KIRREL1: variants seen among roughly 807,000 people sequenced by gnomAD.
The protein encoded by KIRREL1 is kin of IRRE-like protein 1.
A neutral mutation model predicts 83.3 loss-of-function variants in KIRREL1; 25 were observed. The observed-to-expected ratio is 0.30, with a 90% confidence interval of 0.22 to 0.42. The LOEUF is 0.42. Ranked by LOEUF, KIRREL1 falls within the 10% of genes least tolerant of loss-of-function variation. KIRREL1 has a pLI of 1.00. For synonymous variants in KIRREL1, 388 were observed against 410.4 expected, an observed-to-expected ratio of 0.95 and a Z score of 0.66; for missense variants, 812 against 1,032.3, an observed-to-expected ratio of 0.79 and a Z score of 2.92.
chr1:158,073,952 G>A (rs1264636154), intron 1 of KIRREL1, among the ~76,000 whole-genome samples: 2 of 152,204 alleles, frequency 1.3e-5, no homozygotes, highest in Non-Finnish European at 2.9e-5. Context: ...TCACCAGCAA[G>A]CCCACTCTTA....
chr1:158,010,189 G>A (rs912831005), intron 1 of KIRREL1, among the ~76,000 whole-genome samples: 1 of 152,014 alleles, frequency 6.6e-6, no homozygotes, highest in South Asian at 2.1e-4. Context: ...CAAGGCCAGA[G>A]GTACTGATTT....
chr1:157,993,837 G>A, intron 1 of KIRREL1, 109 bp downstream of exon 1: 2 of 628,638 alleles, frequency 3.2e-6, no homozygotes. Context: ...GCCAGTCCCC[G>A]GGTCCGGACG....
chr1:158,036,027 A>G (rs957840473), intron 1 of KIRREL1, among the ~76,000 whole-genome samples: 1 of 152,178 alleles, frequency 6.6e-6, no homozygotes, highest in Non-Finnish European at 1.5e-5. Context: ...AAATGCAGAG[A>G]ACCAGAGTGT....
chr1:158,072,453 C>G (rs78046170), intron 1 of KIRREL1, among the ~76,000 whole-genome samples: 1,541 of 152,270 alleles, frequency 0.01, 27 homozygotes, highest in African/African-American at 0.034. Context: ...CCTGGGGTAA[C>G]AGCAGGGATG....
chr1:158,089,134 T>A (rs541257860), intron 8 of KIRREL1, among the ~76,000 whole-genome samples: 3 of 152,236 alleles, frequency 2.0e-5, no homozygotes, highest in African/African-American at 7.2e-5. Context: ...GAGACCCCCA[T>A]TAGACCATTT....
intron 1 of KIRREL1, among the ~76,000 whole-genome samples, chr1:158,035,105 T>C (rs965661172): frequency 1.3e-5 from 2 of 152,220 alleles, no homozygotes; most frequent in South Asian, 2.1e-4. Context: ...AATCTGGGAA[T>C]TGAAGCAGGA....
chr1:158,091,287 C>T, intron 10 of KIRREL1, 71 bp from the exon 11 acceptor site: 2 of 1,439,046 alleles, frequency 1.4e-6, no homozygotes, highest in Non-Finnish European at 1.9e-6. Flanking sequence ...GAGGGTGGAT[C>T]AGGGGACACG....
At chr1:157,999,016 C>T (rs533531556) in intron 1 of KIRREL1, among the ~76,000 whole-genome samples, 4 of 152,258 alleles carry the variant, frequency 2.6e-5, no homozygotes, top group African/African-American at 4.8e-5. Flanking sequence ...CCCTCCTAAG[C>T]GCCATGAGTG....
At chr1:158,043,462 G>A (rs1475405805) in intron 1 of KIRREL1, among the ~76,000 whole-genome samples, 1 of 152,150 alleles carries the variant, frequency 6.6e-6, no homozygotes, top group African/African-American at 2.4e-5. Flanking sequence ...GATCAGATAT[G>A]GTCTTTGTCT....
intron 1 of KIRREL1, among the ~76,000 whole-genome samples, chr1:158,018,714 G>A (rs946060116): frequency 1.3e-5 from 2 of 152,184 alleles, no homozygotes; most frequent in African/African-American, 2.4e-5. Context: ...TGGAAAAAGA[G>A]GGGAAGGGTA....
intron 3 of KIRREL1, among the ~76,000 whole-genome samples, chr1:158,082,416 A>C (rs1390166113): frequency 1.3e-5 from 2 of 152,000 alleles, no homozygotes; most frequent in Non-Finnish European, 2.9e-5. Flanking sequence ...GTCTGAATCT[A>C]AGTTTTATTC....
At chr1:158,026,446 G>T (rs999895512) in intron 1 of KIRREL1, among the ~76,000 whole-genome samples, 2 of 152,198 alleles carry the variant, frequency 1.3e-5, no homozygotes, top group African/African-American at 4.8e-5. Flanking sequence ...ACATGCAGGA[G>T]ATGGGGACAG....
In KIRREL1 at chr1:158,097,529, A is replaced by T; in HGVS notation, c.*2409A>T. 5.9e-6 allele frequency: 1 copy of T among 168,614 alleles called. No individual in the cohort carries two copies. The highest frequency in any genetic ancestry group is 1.3e-5 in the Non-Finnish European group (1 of 79,374). The allele number at this position is 168,614 out of a possible 1,614,324, so 10.4% of individuals were successfully genotyped here. A position where few individuals can be genotyped will look rare whatever the true frequency, so the allele number is the denominator to read the frequency against. On this transcript the variant is annotated 3_prime_UTR_variant, in exon 15 of 15. Transcript: ENST00000359209. ...ACACAGAGCTACTTCACTGTCCTCT[A>T]CTCCTTAACAAGGTAACTGGAGCCT...
In KIRREL1 at chr1:158,089,481, G is replaced by A. The variant is rs200506136; in HGVS notation, c.1045-21G>A. On this transcript the variant is annotated intron_variant, in intron 8 of 14. Transcript: ENST00000359209. ...GCCCAGGCCTCCTGGCTCCCCACCC[G>A]AGGCTGCTCTCTCTGCCCAGGTCCT... 4.2e-5 allele frequency: 67 copies of A among 1,613,668 alleles called. No individual in the cohort carries two copies. In the African/African-American group the frequency reaches 7.5e-4, roughly 18 times the overall value.
chr1:158,035,007 T>A (rs1349396379), intron 1 of KIRREL1, among the ~76,000 whole-genome samples: 1 of 149,902 alleles, frequency 6.7e-6, no homozygotes, highest in African/African-American at 2.4e-5. Flanking sequence ...TGTTCATGTG[T>A]GTATATGTGT....
At position 158,096,546 on chromosome 1, in the gene KIRREL1, A is replaced by G. The variant is rs1159443972; in HGVS notation, c.*1426A>G. The G allele has an allele frequency of 4.4e-6, 2 of 456,636 alleles. No homozygotes were observed. The highest frequency in any genetic ancestry group is 2.0e-5 in the African/African-American group (1 of 49,942). The allele number at this position is 456,636 out of a possible 1,614,324, so 28.3% of individuals were successfully genotyped here. A position where few individuals can be genotyped will look rare whatever the true frequency, so the allele number is the denominator to read the frequency against. ...GAGAGATGGGTGAGGGGACCTGGAGAGGTAAGGGGCCTGGAAATGGCCCTG... is the reference window on the plus strand; with the variant it reads ...GAGAGATGGGTGAGGGGACCTGGAGGGGTAAGGGGCCTGGAAATGGCCCTG... On this transcript the variant is annotated 3_prime_UTR_variant, in exon 15 of 15. Coordinates refer to ENST00000359209, the MANE Select transcript of KIRREL1 (RefSeq NM_018240.7).
At chr1:158,014,801 G>C (rs925113595) in intron 1 of KIRREL1, among the ~76,000 whole-genome samples, 1 of 151,906 alleles carries the variant, frequency 6.6e-6, no homozygotes, top group Non-Finnish European at 1.5e-5. Flanking sequence ...GATACGACAG[G>C]CAAGGCCCAC....
At chr1:158,082,686 G>A (rs980165522) in intron 3 of KIRREL1, among the ~76,000 whole-genome samples, 2 of 152,118 alleles carry the variant, frequency 1.3e-5, no homozygotes, top group African/African-American at 4.8e-5. Flanking sequence ...ATCTTTTATC[G>A]GTGGAGCACG....
At position 158,086,658 on chromosome 1, in the gene KIRREL1, C is replaced by T. The variant is rs1322219697; in HGVS notation, c.573C>T (p.Asp191=). 10 of 1,551,850 alleles carry T rather than the reference C, an allele frequency of 6.4e-6. No homozygotes were observed. The Admixed American group carries it at 9.8e-5, about 15-fold the overall frequency. Reference sequence around the variant, plus strand: ...GCCAACTGCTTATTAACCCCACGGACCTGGACATAGGGCGTGTCTTCACTT... The same window carrying T: ...GCCAACTGCTTATTAACCCCACGGATCTGGACATAGGGCGTGTCTTCACTT... The part of the protein sequence containing the change: ...TVSQLLINPT[D]LDIGRVFTCR... The change falls in exon 5 of 15, where the codon GAC becomes GAT. Residue 191 remains aspartate, a synonymous_variant. Coordinates refer to ENST00000359209, the MANE Select transcript of KIRREL1 (RefSeq NM_018240.7).
Sources: allele counts gnomAD v4.1 joint callset (sites outside exome capture counted in the v4.1 genomes callset), GRCh38; gene constraint gnomAD v4.1.1; transcripts MANE v1.5; gene names NCBI Gene and HGNC (gene_info 2026-07-23, HGNC 2026-07-21).